The following PEX5L variants were observed in gnomAD, a reference collection of about 807,000 sequenced individuals.
PEX5L encodes the protein PEX5-related protein.
PEX5L carries 30 observed loss-of-function variants against 84.0 expected under a neutral mutation model. That is an observed-to-expected ratio of 0.36 (90% confidence interval 0.27 to 0.48). The LOEUF (loss-of-function observed/expected upper bound fraction) is 0.48. Among genes scored for constraint, PEX5L ranks in the 20% least tolerant of loss-of-function variants. PEX5L has a pLI of 0.99. For synonymous variants in PEX5L, 270 were observed against 283.1 expected (o/e 0.95, Z 0.46); for missense variants, 533 against 754.6 (o/e 0.71, Z 3.44).
At chr3:179,896,318 C>G (rs535961793) in intron 3 of PEX5L, 1 of 152,190 alleles carries the variant, frequency 6.6e-6, no homozygotes, top group East Asian at 1.9e-4. Flanking sequence ...GATTCATAAA[C>G]CGGCCAGTAT....
At chr3:179,917,467 C>T (rs1352428613) in intron 2 of PEX5L, among the ~76,000 whole-genome samples, 1 of 152,008 alleles carries the variant, frequency 6.6e-6, no homozygotes, top group Non-Finnish European at 1.5e-5. Context: ...TACATTATTG[C>T]AGGTGCTATA....
intron 1 of PEX5L, chr3:179,973,277 G>A (rs1370935798): frequency 1.6e-6 from 2 of 1,288,492 alleles, no homozygotes; most frequent in East Asian, 1.1e-4. Flanking sequence ...GCCACTGGCA[G>A]TGGCTTCCTT....
At chr3:179,839,792 A>C (rs1736350934) in intron 8 of PEX5L, among the ~76,000 whole-genome samples, 1 of 152,244 alleles carries the variant, frequency 6.6e-6, no homozygotes, top group Admixed American at 6.5e-5. Context: ...CAAATAAATG[A>C]ATAATATAAT....
intron 9 of PEX5L, among the ~76,000 whole-genome samples, chr3:179,817,893 G>A (rs933816436): frequency 2.2e-4 from 33 of 152,282 alleles, no homozygotes; most frequent in Non-Finnish European, 2.5e-4. Context: ...TCGGGGGCAC[G>A]AGTTACAGCC....
At chr3:179,839,856 T>G (rs1008684432) in intron 8 of PEX5L, among the ~76,000 whole-genome samples, 1 of 152,190 alleles carries the variant, frequency 6.6e-6, no homozygotes, top group Non-Finnish European at 1.5e-5. Context: ...ATTATGGAAG[T>G]TCTTTTTGTT....
chr3:179,932,157 T>A (rs1280436711), intron 2 of PEX5L, among the ~76,000 whole-genome samples: 1 of 152,140 alleles, frequency 6.6e-6, no homozygotes, highest in Non-Finnish European at 1.5e-5. Flanking sequence ...AGATAAATTA[T>A]ATTTATATTT....
chr3:179,797,997 G>C lies in PEX5L; in HGVS notation c.*3831C>G, dbSNP rs1028282235. The C allele has an allele frequency of 2.6e-5, 4 of 152,144 alleles. No homozygotes were observed. Among genetic ancestry groups the C allele is most frequent in the African/African-American group, 9.7e-5 (4 of 41,436 alleles). The allele number at this position is 152,144 out of a possible 1,614,324, so 9.4% of individuals were successfully genotyped here. A position where few individuals can be genotyped will look rare whatever the true frequency, so the allele number is the denominator to read the frequency against. On this transcript the variant is annotated 3_prime_UTR_variant, in exon 15 of 15. Transcript: ENST00000467460. ...CTTTCTCTGTATTCCCAAGCTCACA[G>C]ACAAAGTTTATGATAAAGAGTTTGG...
chr3:180,015,354 C>T (rs549620873), intron 1 of PEX5L, among the ~76,000 whole-genome samples: 2 of 152,244 alleles, frequency 1.3e-5, no homozygotes, highest in East Asian at 3.9e-4. Context: ...AACGAGCTAC[C>T]AAATTTTAAT....
chr3:179,875,001 A>C (rs543678003), intron 6 of PEX5L, among the ~76,000 whole-genome samples: 1 of 152,008 alleles, frequency 6.6e-6, no homozygotes, highest in East Asian at 1.9e-4. Flanking sequence ...AAACCAAAAA[A>C]GGTACCTGTA....
At position 179,798,196 on chromosome 3, in the gene PEX5L, G is replaced by GTT. The variant is rs1717788349; in HGVS notation, c.*3630_*3631dup. The GTT allele has an allele frequency of 6.6e-6, 1 of 152,174 alleles. No individual in the cohort carries two copies. Among genetic ancestry groups the GTT allele is most frequent in the South Asian group, 2.1e-4 (1 of 4,824 alleles). 9.4% of individuals were successfully genotyped at this position (152,174 alleles called of 1,614,324 possible). A position where few individuals can be genotyped will look rare whatever the true frequency, so the allele number is the denominator to read the frequency against. ...AAGTGGCATGAAACTCTAAAAGTGA[G>GTT]TTTGTGAAACGTAAGTGGACATTCC... On this transcript the variant is annotated 3_prime_UTR_variant, in exon 15 of 15. Coordinates refer to ENST00000467460, the MANE Select transcript of PEX5L (RefSeq NM_016559.3).
intron 1 of PEX5L, among the ~76,000 whole-genome samples, chr3:179,991,220 T>C (rs1306140582): frequency 2.0e-5 from 3 of 152,212 alleles, no homozygotes; most frequent in Non-Finnish European, 4.4e-5. Context: ...CTGGTATCTG[T>C]TGATTGTATA....
At chr3:179,895,562 A>T (rs945615820) in intron 3 of PEX5L, 3 of 152,274 alleles carry the variant, frequency 2.0e-5, no homozygotes, top group Non-Finnish European at 4.4e-5. Flanking sequence ...AAAAAACAGC[A>T]GCTGTCAGTG....
chr3:180,018,841 G>T (rs2110498051), intron 1 of PEX5L, among the ~76,000 whole-genome samples: 1 of 152,224 alleles, frequency 6.6e-6, no homozygotes, highest in South Asian at 2.1e-4. Flanking sequence ...GCTCTCTAAG[G>T]TTGCTGCAGA....
chr3:180,000,376 T>C (rs980057225), intron 1 of PEX5L, among the ~76,000 whole-genome samples: 6 of 152,092 alleles, frequency 3.9e-5, no homozygotes, highest in Non-Finnish European at 8.8e-5. Flanking sequence ...CATTAGGGTG[T>C]CTCTTAGTAT....
At chr3:179,889,268 G>A (rs1255385341) in intron 3 of PEX5L, among the ~76,000 whole-genome samples, 2 of 152,186 alleles carry the variant, frequency 1.3e-5, no homozygotes, top group African/African-American at 4.8e-5. Context: ...CAGGGGACCT[G>A]AGTAATGGTA....
intron 2 of PEX5L, among the ~76,000 whole-genome samples, chr3:179,899,198 C>T (rs575779153): frequency 6.6e-6 from 1 of 151,990 alleles, no homozygotes; most frequent in East Asian, 1.9e-4. Context: ...GGGAAAGCCC[C>T]CCAAAATATT....
At chr3:180,004,653 G>A (rs995964039) in intron 1 of PEX5L, among the ~76,000 whole-genome samples, 4 of 151,932 alleles carry the variant, frequency 2.6e-5, no homozygotes, top group Non-Finnish European at 4.4e-5. Context: ...AGAGCTACCC[G>A]GATTTATGTT....
intron 1 of PEX5L, among the ~76,000 whole-genome samples, chr3:180,032,010 AT>A (rs1174116651): frequency 6.6e-6 from 1 of 152,252 alleles, no homozygotes; most frequent in African/African-American, 2.4e-5. Context: ...TAGTAAGTAT[AT>A]AAACTATTGG....
chr3:180,012,575 T>C (rs1227444735), intron 1 of PEX5L, among the ~76,000 whole-genome samples: 1 of 152,114 alleles, frequency 6.6e-6, no homozygotes, highest in Admixed American at 6.5e-5. Flanking sequence ...TGTAAAAATA[T>C]TGACCCTGGT....
Sources: allele counts gnomAD v4.1 joint callset (sites outside exome capture counted in the v4.1 genomes callset), GRCh38; gene constraint gnomAD v4.1.1; transcripts MANE v1.5; gene names NCBI Gene and HGNC (gene_info 2026-07-23, HGNC 2026-07-21).